METTL9: variants seen among roughly 807,000 people sequenced by gnomAD.
METTL9 encodes the protein protein-L-histidine N-pros-methyltransferase.
METTL9 carries 10 observed loss-of-function variants against 36.0 expected under a neutral mutation model. That is an observed-to-expected ratio of 0.28 (90% CI 0.17 to 0.47). The LOEUF is 0.47. METTL9 is among the 20% of genes least tolerant of loss of function. METTL9 has a pLI of 0.99. For missense variants in METTL9, 246 were observed against 383.5 expected, an observed-to-expected ratio of 0.64 and a Z score of 3.00; for synonymous variants, 175 against 149.7, an observed-to-expected ratio of 1.17 and a Z score of -1.23.
chr16:21,643,211 G>A (rs1046474771), intron 4 of METTL9: 5 of 1,314,092 alleles, frequency 3.8e-6, no homozygotes, highest in Non-Finnish European at 5.4e-6. Context: ...CGATGATAAC[G>A]ACGCATCATC....
chr16:21,646,550 T>C (rs1966434281), intron 4 of METTL9: 1 of 180,234 alleles, frequency 5.5e-6, no homozygotes, highest in African/African-American at 2.4e-5. Flanking sequence ...CACTGTAATA[T>C]ACAAAAGAGG....
upstream of METTL9, among the ~76,000 whole-genome samples, chr16:21,597,696 C>T (rs901223131): frequency 6.6e-6 from 1 of 152,176 alleles, no homozygotes; most frequent in Admixed American, 6.6e-5. Context: ...GCTGCTTTCA[C>T]CCCCACTTTA....
intron 4 of METTL9, among the ~76,000 whole-genome samples, chr16:21,636,871 C>T (rs536001571): frequency 1.3e-5 from 2 of 152,202 alleles, no homozygotes; most frequent in South Asian, 2.1e-4. Context: ...GAAAAGGGTC[C>T]GATGGTACTT....
chr16:21,657,204 A>G lies in METTL9; in HGVS notation c.*1772A>G, dbSNP rs1205622996. The G allele has an allele frequency of 6.6e-6, 1 of 152,172 alleles. No individual in the cohort carries two copies. The highest frequency in any genetic ancestry group is 2.4e-5 in the African/African-American group (1 of 41,442). 9.4% of individuals were successfully genotyped at this position (152,172 alleles called of 1,614,324 possible). On this transcript the variant is annotated 3_prime_UTR_variant, in exon 5 of 5. Coordinates refer to ENST00000358154, the MANE Select transcript of METTL9 (RefSeq NM_016025.5). ...ACCACCCCCCCAAAACAGAGAAAAC[A>G]CATACATTTATGCATTTTAAAGATA...
intron 4 of METTL9, among the ~76,000 whole-genome samples, chr16:21,645,316 G>A (rs1366091069): frequency 6.6e-6 from 1 of 152,154 alleles, no homozygotes; most frequent in Non-Finnish European, 1.5e-5. Context: ...AGCTGGGCGT[G>A]GTCGCACATG....
intron 4 of METTL9, among the ~76,000 whole-genome samples, chr16:21,633,464 G>A (rs193005202): frequency 6.6e-5 from 10 of 152,252 alleles, no homozygotes; most frequent in African/African-American, 2.4e-4. Context: ...CTAAACCCTT[G>A]GGGCAAGACT....
intron 4 of METTL9, among the ~76,000 whole-genome samples, chr16:21,651,287 GTC>G (rs920782873): frequency 6.6e-6 from 1 of 152,078 alleles, no homozygotes; most frequent in Non-Finnish European, 1.5e-5. Context: ...AAACAAAGCT[GTC>G]TCTCTATCTA....
chr16:21,620,529 T>C (rs932751899), intron 3 of METTL9, among the ~76,000 whole-genome samples: 1 of 152,194 alleles, frequency 6.6e-6, no homozygotes, highest in Non-Finnish European at 1.5e-5. Flanking sequence ...TTCTTTTGCT[T>C]TGATGCTAAG....
At chr16:21,611,965 C>T (rs925957345) in intron 1 of METTL9, 4 of 152,146 alleles carry the variant, frequency 2.6e-5, no homozygotes, top group South Asian at 2.1e-4. Flanking sequence ...TTGGTCTTCT[C>T]GTTGATTGCA....
chr16:21,643,263 C>A (rs1361041016), intron 4 of METTL9: 6 of 779,180 alleles, frequency 7.7e-6, no homozygotes, highest in Admixed American at 2.0e-5. Context: ...CAAAAACTAC[C>A]CCCTCCCCCA....
chr16:21,637,655 G>A (rs183710615), intron 4 of METTL9, among the ~76,000 whole-genome samples: 1 of 152,240 alleles, frequency 6.6e-6, no homozygotes, highest in African/African-American at 2.4e-5. Context: ...CAGTGGCACC[G>A]AGTGCTGGGC....
chr16:21,599,553 G>A, upstream of METTL9: 3 of 1,282,684 alleles, frequency 2.3e-6, no homozygotes, highest in East Asian at 3.4e-5. This position sits in a 1 kb window ranked among gnomAD's most constrained non-coding sequence, Gnocchi z 4.4. Flanking sequence ...AGGGGGAGGT[G>A]CCGAGGCTGC....
chr16:21,656,336 A>T lies in METTL9; in HGVS notation c.*904A>T, dbSNP rs1966710301. On this transcript the variant is annotated 3_prime_UTR_variant, in exon 5 of 5. Transcript: ENST00000358154. ...TCAGTTTTGTCTACTGACAAAATGCAACTAAAAATGTTTTAATTCAACTTC... is the reference window on the plus strand; with the variant it reads ...TCAGTTTTGTCTACTGACAAAATGCTACTAAAAATGTTTTAATTCAACTTC... The T allele has an allele frequency of 6.6e-6, 1 of 152,086 alleles. No individual in the cohort carries two copies. 9.4% of individuals were successfully genotyped at this position (152,086 alleles called of 1,614,324 possible). A position where few individuals can be genotyped will look rare whatever the true frequency, so the allele number is the denominator to read the frequency against.
At chr16:21,630,003 C>CGTTTACAA (rs1356673009) in intron 4 of METTL9, among the ~76,000 whole-genome samples, 1 of 152,082 alleles carries the variant, frequency 6.6e-6, no homozygotes, top group Non-Finnish European at 1.5e-5. Context: ...CTGACTGGTG[C>CGTTTACAA]GTTTACAAAC....
In METTL9 at chr16:21,643,385, T is replaced by C. The variant is rs141769770; in HGVS notation, c.752-11842T>C. On this transcript the variant is annotated intron_variant, in intron 4 of 4. Transcript: ENST00000358154. ...TTTACCCCTTGAGATTATTTTGTCATTGAGTTTCTCAACAATAGGAAATAG... is the reference window on the plus strand; with the variant it reads ...TTTACCCCTTGAGATTATTTTGTCACTGAGTTTCTCAACAATAGGAAATAG... 3.9e-3 allele frequency among the ~76,000 whole-genome samples: 591 copies of C among 152,348 alleles called. 9 individuals are homozygous for C. The highest frequency in any genetic ancestry group is 0.013 in the African/African-American group (555 of 41,574).
chr16:21,642,177 T>C (rs966961524), intron 4 of METTL9: 1 of 151,036 alleles, frequency 6.6e-6, no homozygotes, highest in Non-Finnish European at 1.5e-5. Flanking sequence ...AGAAAACAAT[T>C]AAAGTAAAAG....
In METTL9 at chr16:21,599,998, G is replaced by A. The variant is rs999559211; in HGVS notation, c.165+100G>A. The A allele has an allele frequency of 2.0e-6, 2 of 1,017,396 alleles. No individual in the cohort carries two copies. The highest frequency in any genetic ancestry group is 4.9e-5 in the South Asian group (1 of 20,446). 63.0% of individuals were successfully genotyped at this position (1,017,396 alleles called of 1,614,324 possible). ...GGACGGCTCCGCGAGGGGGCGGCCC[G>A]GCCCTCGCCCCTCCGCCTCGGCCCC... is the stretch of plus-strand genomic sequence containing the variant. On this transcript the variant is annotated intron_variant, in intron 1 of 4. Transcript: ENST00000358154. The surrounding 1 kb of genome is among the most constrained non-coding windows in gnomAD (Gnocchi z 4.4).
intron 4 of METTL9, among the ~76,000 whole-genome samples, chr16:21,637,564 C>T (rs577184067): frequency 3.0e-4 from 46 of 152,348 alleles, no homozygotes; most frequent in Non-Finnish European, 5.4e-4. Flanking sequence ...GCACTGGCTG[C>T]GGGACTTTGT....
chr16:21,640,860 T>C (rs1465469959), intron 4 of METTL9: 3 of 152,100 alleles, frequency 2.0e-5, no homozygotes, highest in Non-Finnish European at 4.4e-5. Flanking sequence ...TGCTGTTATT[T>C]GGCACAACAC....
Sources: allele counts gnomAD v4.1 joint callset (sites outside exome capture counted in the v4.1 genomes callset), GRCh38; gene constraint gnomAD v4.1.1; non-coding constraint Gnocchi (gnomAD v3.1); transcripts MANE v1.5; gene names NCBI Gene and HGNC (gene_info 2026-07-23, HGNC 2026-07-21).